Variants in IL13RA1 observed in about 807,000 individuals in gnomAD.
IL13RA1 encodes interleukin 13 receptor subunit alpha 1, also known as interleukin-13 receptor subunit alpha-1.
IL13RA1 carries 14 observed loss-of-function variants against 33.8 expected under a neutral mutation model. The observed-to-expected ratio is 0.41, with a 90% confidence interval of 0.27 to 0.65. IL13RA1 has a LOEUF of 0.65. IL13RA1 is among the 30% of genes least tolerant of loss of function. IL13RA1 has a pLI of 0.28. For synonymous variants in IL13RA1, 116 were observed against 115.7 expected (o/e 1.00, Z -0.02); for missense variants, 313 against 327.0 (o/e 0.96, Z 0.33).
chrX:118,797,885 A>G (rs995163499), downstream of IL13RA1, among the ~76,000 whole-genome samples: 2 of 111,778 alleles, frequency 1.8e-5, no homozygotes, highest in African/African-American at 6.5e-5. Flanking sequence ...CAGAGCCTCC[A>G]TATAGGAGCA....
In IL13RA1 at chrX:118,790,398, CAG is replaced by C. The variant is rs753724005; in HGVS notation, c.1192-1361_1192-1360del. Among the ~76,000 whole-genome samples, 195 of 112,197 alleles carry C rather than the reference CAG, an allele frequency of 1.7e-3. 1 individual carries two copies. Among genetic ancestry groups the C allele is most frequent in the Middle Eastern group, 9.2e-3 (2 of 218 alleles). ...TAACCATTCACTTGTTCAAGGACAT[CAG>C]AGTTGTATCTAGTTTTTAATCTATT... On this transcript the variant is annotated intron_variant, in intron 10 of 10. Coordinates refer to ENST00000371666, the MANE Select transcript of IL13RA1 (RefSeq NM_001560.3).
In IL13RA1 at chrX:118,773,913, G is replaced by T; in HGVS notation, c.1044G>T (p.Met348Ile). The stretch of plus-strand genomic sequence containing the variant: ...GCAATTCCACACTCTACATAACCAT[G>T]TTACTCATTGTTCCAGTCATCGTCG... ...KKRNSTLYIT[M>I]LLIVPVIVAG... The change falls in exon 9 of 11, where the codon ATG (methionine) becomes ATT (isoleucine). Residue 348 changes from methionine (M) to isoleucine (I), a missense_variant. Coordinates refer to ENST00000371666, the MANE Select transcript of IL13RA1 (RefSeq NM_001560.3). 9.2e-7 allele frequency: 1 copy of T among 1,083,081 alleles called. No homozygotes were observed. 89.3% of individuals were successfully genotyped at this position (1,083,081 alleles called of 1,213,427 possible).
At chrX:118,748,005 TTGTG>T (rs61230421) in intron 3 of IL13RA1, among the ~76,000 whole-genome samples, 112 of 88,852 alleles carry the variant, frequency 1.3e-3, no homozygotes, top group East Asian at 2.3e-3. Context: ...AGAGTGAATG[TTGTG>T]TGTGTGTGTG....
intron 8 of IL13RA1, among the ~76,000 whole-genome samples, chrX:118,768,913 A>G (rs73595418): frequency 0.013 from 1,479 of 112,192 alleles, 35 homozygotes; most frequent in South Asian, 0.045. Flanking sequence ...CTGTTGTTGT[A>G]AGCCATTCAG....
At chrX:118,781,824 C>T (rs766685163) in intron 10 of IL13RA1, among the ~76,000 whole-genome samples, 21 of 112,080 alleles carry the variant, frequency 1.9e-4, no homozygotes, top group Non-Finnish European at 3.4e-4. Flanking sequence ...TCACCACTGA[C>T]CACTAAGACA....
At chrX:118,801,360 T>G in the IL13RA1 span, among the ~76,000 whole-genome samples, 5 of 112,256 alleles carry the variant, frequency 4.5e-5, no homozygotes, top group African/African-American at 9.7e-5. Context: ...TCTTCTTCCA[T>G]TTACTGGGCT....
intron 1 of IL13RA1, among the ~76,000 whole-genome samples, chrX:118,737,346 A>G (rs1366779472): frequency 4.4e-5 from 5 of 112,505 alleles, no homozygotes; most frequent in Non-Finnish European, 9.4e-5. Context: ...GGAAATTGCA[A>G]GCCTTCAATG....
intron 1 of IL13RA1, among the ~76,000 whole-genome samples, chrX:118,737,401 A>G (rs985683982): frequency 7.1e-5 from 8 of 112,612 alleles, no homozygotes; most frequent in Non-Finnish European, 1.3e-4. Context: ...AAATTGTTAC[A>G]TCAAACAGAC....
intron 1 of IL13RA1, among the ~76,000 whole-genome samples, chrX:118,739,502 A>G (rs1015978528): frequency 8.9e-6 from 1 of 112,284 alleles, no homozygotes; most frequent in African/African-American, 3.2e-5. Context: ...TATAATCCTT[A>G]AGTAATTAAT....
At chrX:118,737,372 A>G (rs765725927) in intron 1 of IL13RA1, among the ~76,000 whole-genome samples, 1 of 112,658 alleles carries the variant, frequency 8.9e-6, no homozygotes, top group South Asian at 3.7e-4. Flanking sequence ...GTTTCCTGAT[A>G]TAACTCTGCA....
At chrX:118,731,540 G>A (rs2489869) in intron 1 of IL13RA1, among the ~76,000 whole-genome samples, 17,346 of 100,558 alleles carry the variant, frequency 0.17, 1,479 homozygotes, top group East Asian at 0.42. Context: ...TCACACCAGC[G>A]CACTCCAGCC....
At chrX:118,770,898 CA>C (rs2017712109) in intron 8 of IL13RA1, 1 of 256,017 alleles carries the variant, frequency 3.9e-6, no homozygotes, top group South Asian at 3.8e-5. Context: ...TGCTTCTTAC[CA>C]AAATTCTGCA....
At chrX:118,749,581 C>G in intron 3 of IL13RA1, 77 bp from the exon 4 acceptor site, 1 of 982,410 alleles carries the variant, frequency 1.0e-6, no homozygotes, top group Non-Finnish European at 1.4e-6. Context: ...CTCTCATCAT[C>G]CCCATGCCAA....
chrX:118,752,256 G>C, intron 4 of IL13RA1, among the ~76,000 whole-genome samples: 1 of 111,061 alleles, frequency 9.0e-6, no homozygotes, highest in Non-Finnish European at 1.9e-5. Context: ...AACCTCTCCA[G>C]ACTCGGTTGC....
intron 5 of IL13RA1, 138 bp downstream of exon 5, chrX:118,758,380 TCTTTGATAGATC>T (rs754694666): frequency 1.2e-5 from 4 of 347,507 alleles, no homozygotes; most frequent in African/African-American, 1.0e-4. Context: ...TGTATAACTT[TCTTTGATAGATC>T]CTTTTTAAAG....
At chrX:118,796,058 C>G (rs889338120), downstream of IL13RA1, among the ~76,000 whole-genome samples, 8 of 112,539 alleles carry the variant, frequency 7.1e-5, no homozygotes, top group Non-Finnish European at 1.5e-4. Context: ...GGTTCTCTGG[C>G]TTTTTACTAT....
At chrX:118,755,872 ACT>A (rs1246184868) in intron 4 of IL13RA1, among the ~76,000 whole-genome samples, 1 of 112,300 alleles carries the variant, frequency 8.9e-6, no homozygotes, top group African/African-American at 3.2e-5. Context: ...TTTTTACAAC[ACT>A]GTTTTCTTCA....
intron 8 of IL13RA1, among the ~76,000 whole-genome samples, chrX:118,768,270 A>G (rs772221958): frequency 3.7e-4 from 42 of 112,404 alleles, no homozygotes; most frequent in African/African-American, 1.2e-3. Context: ...TGTATAACAA[A>G]TTACTCCAAA....
chrX:118,791,499 G>A (rs747128316), intron 10 of IL13RA1, among the ~76,000 whole-genome samples: 2 of 109,624 alleles, frequency 1.8e-5, no homozygotes, highest in African/African-American at 6.6e-5. Context: ...GTCCAAATTT[G>A]TTTATTTCTG....
Sources: allele counts gnomAD v4.1 joint callset (sites outside exome capture counted in the v4.1 genomes callset), GRCh38; gene constraint gnomAD v4.1.1; transcripts MANE v1.5; gene names NCBI Gene and HGNC (gene_info 2026-07-23, HGNC 2026-07-21).